Variants in SLMAP observed in about 807,000 individuals in gnomAD.
SLMAP encodes the protein sarcolemmal membrane-associated protein.
In SLMAP, 44 loss-of-function variants were observed where a neutral mutation model predicts 128.8. That is an observed-to-expected ratio of 0.34 (90% confidence interval 0.27 to 0.44). The LOEUF (loss-of-function observed/expected upper bound fraction) is 0.44, where lower values mean the gene tolerates loss of function less well. Ranked by LOEUF, SLMAP falls within the 20% of genes least tolerant of loss-of-function variation. The pLI, the probability that SLMAP is intolerant of heterozygous loss-of-function variation, is 1.00. For missense variants in SLMAP, 787 were observed against 985.3 expected, an observed-to-expected ratio of 0.80 and a Z score of 2.69; for synonymous variants, 327 against 348.8, an observed-to-expected ratio of 0.94 and a Z score of 0.70.
intron 4 of SLMAP, among the ~76,000 whole-genome samples, chr3:57,846,552 T>A (rs1301935371): frequency 6.7e-6 from 1 of 150,162 alleles, no homozygotes; most frequent in Non-Finnish European, 1.5e-5. Context: ...TGAAAATGGA[T>A]AATTTTTTTT....
At chr3:57,775,215 G>A (rs1163072424) in intron 2 of SLMAP, among the ~76,000 whole-genome samples, 13 of 151,694 alleles carry the variant, frequency 8.6e-5, no homozygotes, top group Admixed American at 8.5e-4. Flanking sequence ...CACTGCCCCC[G>A]GCTAATTTTT....
chr3:57,892,791 C>T (rs1012826482), intron 15 of SLMAP, among the ~76,000 whole-genome samples: 2 of 148,694 alleles, frequency 1.3e-5, no homozygotes, highest in African/African-American at 5.0e-5. Flanking sequence ...AAAACACACA[C>T]ACACACACAC....
chr3:57,908,844 A>G (rs990849862), intron 18 of SLMAP, among the ~76,000 whole-genome samples: 1 of 152,238 alleles, frequency 6.6e-6, no homozygotes, highest in Non-Finnish European at 1.5e-5. Flanking sequence ...TCTTGGTGAT[A>G]CCAGGTCCAG....
chr3:57,843,305 C>CTTT, intron 4 of SLMAP, among the ~76,000 whole-genome samples: 17,643 of 91,278 alleles, frequency 0.19, 2,879 homozygotes, highest in East Asian at 0.26. Flanking sequence ...CTTTCTTTTC[C>CTTT]TTTTTTTTTT....
rs772143236 is a variant in SLMAP at position 57,896,540 on chromosome 3, T to A, written c.1390T>A (p.Phe464Ile). 67 of 1,609,660 alleles carry A rather than the reference T, an allele frequency of 4.2e-5. No individual in the cohort carries two copies. Among genetic ancestry groups the A allele is most frequent in the Non-Finnish European group, 5.6e-5 (66 of 1,178,610 alleles). ...TCAGACAAGAGCAAAAGAATCTGAT[T>A]TTTCAGATACTCTGAGTCCAAGCAA... ...ENQTRAKESDFSDTLSPSKEK... is the reference protein window; with the variant it reads ...ENQTRAKESDISDTLSPSKEK... Residue 464 changes from phenylalanine to isoleucine, a missense_variant, in exon 16 of 25, where the codon TTT (phenylalanine) becomes ATT (isoleucine). Coordinates refer to ENST00000671191, the MANE Select transcript of SLMAP (RefSeq NM_001377540.1).
intron 2 of SLMAP, among the ~76,000 whole-genome samples, chr3:57,792,288 A>AAATT (rs1424906990): frequency 1.3e-5 from 2 of 152,022 alleles, no homozygotes; most frequent in African/African-American, 4.8e-5. Context: ...ACTTATAAGT[A>AAATT]AATTAGCTGA....
intron 17 of SLMAP, chr3:57,897,197 A>G: frequency 1.1e-6 from 1 of 930,914 alleles, no homozygotes; most frequent in Non-Finnish European, 1.4e-6. Context: ...TTTTTTGTTT[A>G]CCCTTGTGTC....
intron 6 of SLMAP, among the ~76,000 whole-genome samples, chr3:57,853,980 TA>T (rs2094625980): frequency 3.8e-5 from 4 of 105,840 alleles, no homozygotes; most frequent in African/African-American, 1.5e-4. Flanking sequence ...TATATATATA[TA>T]TATATATATA....
chr3:57,772,162 G>T (rs2081023925), intron 2 of SLMAP, among the ~76,000 whole-genome samples: 1 of 152,146 alleles, frequency 6.6e-6, no homozygotes. Flanking sequence ...CATGTAAGGG[G>T]GACTTGAATT....
chr3:57,851,116 G>A (rs1049170622), intron 6 of SLMAP, among the ~76,000 whole-genome samples: 2 of 152,280 alleles, frequency 1.3e-5, no homozygotes, highest in Middle Eastern at 3.4e-3. Context: ...TACAGATAGA[G>A]TAACTGAGAG....
At position 57,896,626 on chromosome 3, in the gene SLMAP, T is replaced by C. The variant is rs376962000; in HGVS notation, c.1441+35T>C. ...AACCTAATGTTTACAGACCTGCAGCTGTTAATGGCAGTTTAGTTATATAGG... is the reference window on the plus strand; with the variant it reads ...AACCTAATGTTTACAGACCTGCAGCCGTTAATGGCAGTTTAGTTATATAGG... On this transcript the variant is annotated intron_variant, in intron 16 of 24. Coordinates refer to ENST00000671191, the MANE Select transcript of SLMAP (RefSeq NM_001377540.1). 9.3e-6 allele frequency: 14 copies of C among 1,505,404 alleles called. No individual in the cohort carries two copies. The African/African-American group carries it at 2.0e-4, about 21-fold the overall frequency. The allele number at this position is 1,505,404 out of a possible 1,614,324, so 93.3% of individuals were successfully genotyped here. A position where few individuals can be genotyped will look rare whatever the true frequency, so the allele number is the denominator to read the frequency against.
At chr3:57,847,854 T>C (rs2094327039) in intron 5 of SLMAP, among the ~76,000 whole-genome samples, 1 of 152,194 alleles carries the variant, frequency 6.6e-6, no homozygotes, top group African/African-American at 2.4e-5. Context: ...TATTTTATGT[T>C]TTTCTTCCAT....
chr3:57,912,637 C>T lies in SLMAP; in HGVS notation c.1956C>T (p.Asn652=). ...AGAAAGAAATCACAAGTCTGCAAAA[C>T]AGTTTTCAGCTTAGATGTCAACAGT... The part of the protein sequence containing the change: ...EYEKEITSLQ[N]SFQLRCQQCE... The change falls in exon 20 of 25, where the codon AAC becomes AAT. Residue 652 remains asparagine (N), a synonymous_variant. Coordinates refer to ENST00000671191, the MANE Select transcript of SLMAP (RefSeq NM_001377540.1). The T allele has an allele frequency of 6.2e-7, 1 of 1,614,096 alleles. No individual in the cohort carries two copies. The highest frequency in any genetic ancestry group is 8.5e-7 in the Non-Finnish European group (1 of 1,180,006).
At chr3:57,853,957 A>AAT (rs1560252738) in intron 6 of SLMAP, among the ~76,000 whole-genome samples, 61 of 38,416 alleles carry the variant, frequency 1.6e-3, no homozygotes, top group Non-Finnish European at 2.6e-3. Flanking sequence ...AAAAAAAATT[A>AAT]TATATATATA....
chr3:57,916,772 C>A, intron 21 of SLMAP, 134 bp from the exon 22 acceptor site: 1 of 657,804 alleles, frequency 1.5e-6, no homozygotes, highest in Non-Finnish European at 2.5e-6. Context: ...GAAAATATTT[C>A]ATTCTTTTTT....
At chr3:57,904,761 G>T (rs1051716143) in intron 17 of SLMAP, among the ~76,000 whole-genome samples, 1 of 152,030 alleles carries the variant, frequency 6.6e-6, no homozygotes, top group Non-Finnish European at 1.5e-5. Context: ...TGTAAACTGG[G>T]GTGTGGGCCA....
chr3:57,919,527 G>T (rs1201626067), intron 22 of SLMAP, among the ~76,000 whole-genome samples: 1 of 152,136 alleles, frequency 6.6e-6, no homozygotes, highest in Admixed American at 6.6e-5. Context: ...AGGTGCAGTG[G>T]CTCACTCCTG....
Position 57,871,665 on chromosome 3 carries a change from T to C in SLMAP, c.1267T>C (p.Cys423Arg). ...CTTGCTTTCAAAGAGTGGCGGGGAC[T>C]GCACTTTTATTCATCAATTCATAGA... ...EHLLSKSGGDCTFIHQFIECQ... is the reference protein window; with the variant it reads ...EHLLSKSGGDRTFIHQFIECQ... Residue 423 changes from cysteine to arginine, a missense_variant, in exon 14 of 25, where the codon TGC (cysteine) becomes CGC (arginine). Cys to Arg is a radical substitution (Grantham distance 180, BLOSUM62 -3). Coordinates refer to ENST00000671191, the MANE Select transcript of SLMAP (RefSeq NM_001377540.1). 6.2e-7 allele frequency: 1 copy of C among 1,612,760 alleles called. No individual in the cohort carries two copies. Among genetic ancestry groups the C allele is most frequent in the Non-Finnish European group, 8.5e-7 (1 of 1,179,068 alleles).
chr3:57,850,644 T>C (rs914900766), intron 6 of SLMAP, among the ~76,000 whole-genome samples: 3 of 152,184 alleles, frequency 2.0e-5, no homozygotes, highest in Non-Finnish European at 4.4e-5. Flanking sequence ...TTATTCTGTT[T>C]TATTTTTGAG....
Sources: allele counts gnomAD v4.1 joint callset (sites outside exome capture counted in the v4.1 genomes callset), GRCh38; gene constraint gnomAD v4.1.1; transcripts MANE v1.5; gene names NCBI Gene and HGNC (gene_info 2026-07-23, HGNC 2026-07-21).